The following DMXL1 variants were observed in gnomAD, a reference collection of about 807,000 sequenced individuals.
The protein encoded by DMXL1 is dmX-like protein 1.
In DMXL1, 99 loss-of-function variants were observed where a neutral mutation model predicts 319.2. The ratio of observed to expected loss-of-function variants is 0.31; its 90% confidence interval spans 0.26 to 0.37. The LOEUF (loss-of-function observed/expected upper bound fraction) is 0.37. DMXL1 is among the 10% of genes least tolerant of loss of function. The probability of loss-of-function intolerance (pLI) is 1.00; values close to 1 mark genes in which losing one functional copy is unlikely to be tolerated. For synonymous variants in DMXL1, 1,385 were observed against 1,235.2 expected (o/e 1.12, Z -2.54); for missense variants, 3,745 against 3,595.6 (o/e 1.04, Z -1.06).
intron 2 of DMXL1, 51 bp downstream of exon 2, chr5:119,098,155 C>T: frequency 6.4e-7 from 1 of 1,561,696 alleles, no homozygotes; most frequent in Non-Finnish European, 8.6e-7. Flanking sequence ...TGGTTTTTGT[C>T]AGGATAATCT....
intron 13 of DMXL1, among the ~76,000 whole-genome samples, chr5:119,139,759 C>T (rs1766872795): frequency 6.6e-6 from 1 of 152,194 alleles, no homozygotes; most frequent in Non-Finnish European, 1.5e-5. Flanking sequence ...CTGAACTCAA[C>T]ATTGGACCAA....
chr5:119,194,444 GCT>G (rs1316820120), intron 30 of DMXL1, among the ~76,000 whole-genome samples: 2 of 152,094 alleles, frequency 1.3e-5, no homozygotes, highest in Admixed American at 6.6e-5. Flanking sequence ...CTCACCTCTA[GCT>G]CCAATACTGC....
chr5:119,146,756 C>G, intron 15 of DMXL1, 81 bp from the exon 16 acceptor site: 1 of 1,342,646 alleles, frequency 7.4e-7, no homozygotes, highest in South Asian at 1.7e-5. Flanking sequence ...TTTTTAAAGT[C>G]CAATTATTTT....
chr5:119,074,845 G>T (rs1468738149), intron 1 of DMXL1, among the ~76,000 whole-genome samples: 1 of 152,156 alleles, frequency 6.6e-6, no homozygotes, highest in African/African-American at 2.4e-5. Flanking sequence ...AAACCTAACA[G>T]TAAGGTCATT....
chr5:119,189,606 G>T, intron 28 of DMXL1, 102 bp from the exon 29 acceptor site: 10 of 1,004,198 alleles, frequency 1.0e-5, no homozygotes, highest in Middle Eastern at 2.8e-4. Context: ...TTATTTTTTT[G>T]TGTGTGCTTA....
intron 2 of DMXL1, among the ~76,000 whole-genome samples, chr5:119,100,448 A>G (rs868305602): frequency 9.2e-5 from 14 of 152,172 alleles, no homozygotes; most frequent in African/African-American, 3.4e-4. Flanking sequence ...AAAAAAAAAA[A>G]AAAAGAAGGA....
chr5:119,102,841 T>C (rs1424527730), intron 3 of DMXL1, among the ~76,000 whole-genome samples: 2 of 152,082 alleles, frequency 1.3e-5, no homozygotes, highest in East Asian at 1.9e-4. Context: ...ATAAGTGTAG[T>C]GTCATTGAAA....
intron 25 of DMXL1, 140 bp from the exon 26 acceptor site, chr5:119,175,121 G>T: frequency 3.8e-6 from 2 of 524,142 alleles, no homozygotes; most frequent in East Asian, 3.4e-5. Context: ...GAGTGTTGTA[G>T]AAAAAAAGGA....
rs1192174218 is a variant in DMXL1 at position 119,133,621 on chromosome 5, C to T, written c.1697C>T (p.Pro566Leu). The T allele has an allele frequency of 6.2e-7, 1 of 1,614,026 alleles. No individual in the cohort carries two copies. Among genetic ancestry groups the T allele is most frequent in the African/African-American group, 1.3e-5 (1 of 74,920 alleles). Reference protein sequence around the residue: ...DLAIQQGKQKPSGLTRSTSML... With the variant: ...DLAIQQGKQKLSGLTRSTSML... ...GCTATTCAGCAGGGGAAACAAAAAC[C>T]TTCTGGCCTCACCCGTTCCACATCA... Residue 566 changes from proline to leucine, a missense_variant, in exon 12 of 44, where the codon CCT becomes CTT. Transcript: ENST00000539542.
chr5:119,207,607 C>T (rs1561876128), intron 34 of DMXL1, among the ~76,000 whole-genome samples: 1 of 152,138 alleles, frequency 6.6e-6, no homozygotes, highest in Admixed American at 6.6e-5. Context: ...CAACCTCTGC[C>T]CCCCAGGTTC....
At chr5:119,203,878 T>G (rs1781268509) in intron 33 of DMXL1, among the ~76,000 whole-genome samples, 1 of 152,180 alleles carries the variant, frequency 6.6e-6, no homozygotes, top group Non-Finnish European at 1.5e-5. Flanking sequence ...TGGAGTGCAG[T>G]GGTGCGATCT....
chr5:119,233,978 T>G (rs1295576682), intron 39 of DMXL1, among the ~76,000 whole-genome samples: 1 of 152,190 alleles, frequency 6.6e-6, no homozygotes, highest in East Asian at 1.9e-4. Flanking sequence ...AAAGTTTTGT[T>G]GGACCACAGT....
chr5:119,120,939 T>C (rs199703403), intron 8 of DMXL1, 32 bp from the exon 9 acceptor site: 2 of 1,571,674 alleles, frequency 1.3e-6, no homozygotes, highest in Non-Finnish European at 8.6e-7. Flanking sequence ...CTTTTGACAA[T>C]ATAGGTATTA....
chr5:119,124,599 C>T (rs1208220820), intron 9 of DMXL1, among the ~76,000 whole-genome samples: 2 of 125,672 alleles, frequency 1.6e-5, no homozygotes, highest in Non-Finnish European at 3.2e-5. Context: ...CAGAGTCTTG[C>T]TCTGTCGCCA....
Position 119,134,488 on chromosome 5 carries a change from T to C in DMXL1, c.2376+99T>C. ...TTCTACAATTGTGACCTATAATTTG[T>C]AATAAGCATTTGTATCTTTGTTTTA... is the stretch of plus-strand genomic sequence containing the variant. On this transcript the variant is annotated intron_variant, in intron 13 of 43. Transcript: ENST00000539542. The C allele has an allele frequency of 2.9e-6, 3 of 1,021,112 alleles. No individual in the cohort carries two copies. In the South Asian group the frequency reaches 5.6e-5, roughly 19 times the overall value. The allele number at this position is 1,021,112 out of a possible 1,614,324, so 63.3% of individuals were successfully genotyped here. A position where few individuals can be genotyped will look rare whatever the true frequency, so the allele number is the denominator to read the frequency against.
rs182601905 is a variant in DMXL1 at position 119,239,731 on chromosome 5, G to A, written c.8651+651G>A. ...AGCACTTTGGGAGGCCGAGGTGGGCGGATCACTTGAGGCCAGGAGTTTGAG... is the reference window on the plus strand; with the variant it reads ...AGCACTTTGGGAGGCCGAGGTGGGCAGATCACTTGAGGCCAGGAGTTTGAG... On this transcript the variant is annotated intron_variant, in intron 41 of 43. Transcript: ENST00000539542. Among the ~76,000 whole-genome samples, 6 of 152,084 alleles carry A rather than the reference G, an allele frequency of 3.9e-5. No individual in the cohort carries two copies. In the East Asian group the frequency reaches 7.7e-4, roughly 20 times the overall value.
intron 32 of DMXL1, among the ~76,000 whole-genome samples, chr5:119,199,710 G>T (rs1054853047): frequency 2.2e-4 from 34 of 152,016 alleles, no homozygotes; most frequent in African/African-American, 8.2e-4. Flanking sequence ...CCTTTTCTCT[G>T]CAACCTTCCC....
intron 2 of DMXL1, among the ~76,000 whole-genome samples, chr5:119,098,449 A>ATT (rs142373739): frequency 4.7e-5 from 7 of 148,296 alleles, no homozygotes; most frequent in African/African-American, 1.7e-4. Context: ...GATTTAGAAT[A>ATT]TTTTTTTTTT....
At chr5:119,105,795 G>C (rs1758207527) in intron 4 of DMXL1, among the ~76,000 whole-genome samples, 1 of 151,900 alleles carries the variant, frequency 6.6e-6, no homozygotes, top group South Asian at 2.1e-4. Context: ...TACTTGGGAG[G>C]CTGAGGCTAG....
Sources: allele counts gnomAD v4.1 joint callset (sites outside exome capture counted in the v4.1 genomes callset), GRCh38; gene constraint gnomAD v4.1.1; transcripts MANE v1.5; gene names NCBI Gene and HGNC (gene_info 2026-07-23, HGNC 2026-07-21).